PLCB1: variants seen among roughly 807,000 people sequenced by gnomAD.
PLCB1 encodes phospholipase C beta 1, also known as 1-phosphatidylinositol 4,5-bisphosphate phosphodiesterase beta-1.
In PLCB1, 46 loss-of-function variants were observed where a neutral mutation model predicts 161.8. The ratio of observed to expected loss-of-function variants is 0.28; its 90% CI spans 0.22 to 0.36. The LOEUF is 0.36. Ranked by LOEUF, PLCB1 falls within the 10% of genes least tolerant of loss-of-function variation. PLCB1 has a pLI of 1.00. For synonymous variants in PLCB1, 517 were observed against 503.7 expected (o/e 1.03, Z -0.35); for missense variants, 1,016 against 1,472.5 (o/e 0.69, Z 5.07).
At chr20:8,210,359 T>G (rs183068454) in intron 2 of PLCB1, among the ~76,000 whole-genome samples, 37 of 152,264 alleles carry the variant, frequency 2.4e-4, no homozygotes, top group African/African-American at 8.7e-4. Flanking sequence ...CTAAGTTATA[T>G]GCCAAAAAAC....
intron 3 of PLCB1, among the ~76,000 whole-genome samples, chr20:8,590,128 G>C (rs920043119): frequency 2.6e-5 from 4 of 152,152 alleles, no homozygotes; most frequent in Non-Finnish European, 4.4e-5. Context: ...GTAGAGAAAA[G>C]GAAGCCTGAA....
intron 3 of PLCB1, among the ~76,000 whole-genome samples, chr20:8,619,948 G>A (rs1600196964): frequency 6.6e-6 from 1 of 152,082 alleles, no homozygotes; most frequent in Non-Finnish European, 1.5e-5. Flanking sequence ...AAAGTATTCA[G>A]TATGTTCCCC....
intron 2 of PLCB1, among the ~76,000 whole-genome samples, chr20:8,192,044 G>T (rs2051975924): frequency 6.6e-6 from 1 of 151,940 alleles, no homozygotes; most frequent in African/African-American, 2.4e-5. Flanking sequence ...ACAATAAAAG[G>T]CTGATCAAAT....
intron 2 of PLCB1, among the ~76,000 whole-genome samples, chr20:8,316,386 A>G (rs1319885996): frequency 6.6e-6 from 1 of 152,112 alleles, no homozygotes; most frequent in East Asian, 1.9e-4. Flanking sequence ...CTTGCTGGGA[A>G]TTCACCTAGC....
intron 2 of PLCB1, among the ~76,000 whole-genome samples, chr20:8,259,778 T>C (rs954825110): frequency 2.0e-5 from 3 of 152,198 alleles, no homozygotes; most frequent in African/African-American, 7.2e-5. Context: ...TCAGAATTAG[T>C]ACATTGCATT....
Position 8,770,046 on chromosome 20 carries a change from G to A in PLCB1, c.2931-4493G>A, listed in dbSNP as rs185968066. 1.3e-3 allele frequency among the ~76,000 whole-genome samples: 200 copies of A among 151,986 alleles called. 1 individual carries two copies. The highest frequency in any genetic ancestry group is 4.6e-3 in the African/African-American group (191 of 41,454). On this transcript the variant is annotated intron_variant, in intron 26 of 31. Coordinates refer to ENST00000338037, the MANE Select transcript of PLCB1 (RefSeq NM_015192.4). ...CGGCTCACTGCAAGCTCCGCCTCCC[G>A]GGTTCATGCCATTCTCCTGCCTCAG...
chr20:8,786,555 C>G (rs1030380932), intron 27 of PLCB1, among the ~76,000 whole-genome samples: 1 of 152,206 alleles, frequency 6.6e-6, no homozygotes, highest in African/African-American at 2.4e-5. Context: ...CCCATCTCAG[C>G]CACTTACCAG....
intron 3 of PLCB1, among the ~76,000 whole-genome samples, chr20:8,598,546 TG>T (rs1167453425): frequency 4.6e-5 from 6 of 130,424 alleles, no homozygotes; most frequent in Non-Finnish European, 8.2e-5. Flanking sequence ...GGAATAGGTG[TG>T]GTGTGGTGCT....
intron 2 of PLCB1, among the ~76,000 whole-genome samples, chr20:8,327,339 T>C (rs1985197357): frequency 6.6e-6 from 1 of 152,212 alleles, no homozygotes. Flanking sequence ...CATGTCCTCA[T>C]TCCAGTTGTG....
At chr20:8,244,821 C>T (rs1284216588) in intron 2 of PLCB1, among the ~76,000 whole-genome samples, 1 of 151,686 alleles carries the variant, frequency 6.6e-6, no homozygotes, top group African/African-American at 2.4e-5. Context: ...AAGTCTAGTA[C>T]AAAAGGTTGG....
chr20:8,166,243 G>C (rs929446287), intron 2 of PLCB1, among the ~76,000 whole-genome samples: 1 of 152,012 alleles, frequency 6.6e-6, no homozygotes, highest in Admixed American at 6.6e-5. Context: ...CCTGGATTCT[G>C]TACCCACTAC....
At chr20:8,572,257 TACATG>T (rs1429190573) in intron 3 of PLCB1, among the ~76,000 whole-genome samples, 1 of 152,218 alleles carries the variant, frequency 6.6e-6, no homozygotes. Context: ...TACTTCTTGA[TACATG>T]AACACCCTAC....
At chr20:8,512,690 T>C (rs1016444789) in intron 3 of PLCB1, among the ~76,000 whole-genome samples, 1 of 152,078 alleles carries the variant, frequency 6.6e-6, no homozygotes, top group Non-Finnish European at 1.5e-5. Context: ...ATAATACAAA[T>C]TGTACCCCAA....
chr20:8,293,322 T>TA (rs1983467812), intron 2 of PLCB1, among the ~76,000 whole-genome samples: 1 of 152,110 alleles, frequency 6.6e-6, no homozygotes. Flanking sequence ...TTCTTTCAAG[T>TA]AAAAATGGTG....
intron 3 of PLCB1, among the ~76,000 whole-genome samples, chr20:8,457,545 C>G (rs1981370678): frequency 6.6e-6 from 1 of 152,104 alleles, no homozygotes; most frequent in South Asian, 2.1e-4. Flanking sequence ...TCAGAAAATC[C>G]AAGTTCAATC....
In PLCB1 at chr20:8,158,879, C is replaced by T. The variant is rs143897068; in HGVS notation, c.177+8508C>T. 3.8e-3 allele frequency among the ~76,000 whole-genome samples: 575 copies of T among 152,324 alleles called. 1 individual carries two copies. Among genetic ancestry groups the T allele is most frequent in the African/African-American group, 0.013 (540 of 41,576 alleles). ...GATGCAAGAGATGGGCTCCCATGGC[C>T]TTGGGCAACTCCGCCCCTGTGGCTT... On this transcript the variant is annotated intron_variant, in intron 2 of 31. Coordinates refer to ENST00000338037, the MANE Select transcript of PLCB1 (RefSeq NM_015192.4).
At chr20:8,252,366 G>T (rs1288696769) in intron 2 of PLCB1, among the ~76,000 whole-genome samples, 1 of 151,766 alleles carries the variant, frequency 6.6e-6, no homozygotes, top group Non-Finnish European at 1.5e-5. Context: ...ATGCCTAAAG[G>T]TCAGTGAATC....
intron 3 of PLCB1, among the ~76,000 whole-genome samples, chr20:8,571,998 T>G (rs866083372): frequency 6.6e-6 from 1 of 152,186 alleles, no homozygotes; most frequent in Non-Finnish European, 1.5e-5. Flanking sequence ...TGGTATTTTT[T>G]TAAAAATTAC....
intron 2 of PLCB1, among the ~76,000 whole-genome samples, chr20:8,271,755 TA>T (rs1289691726): frequency 1.3e-5 from 2 of 152,002 alleles, no homozygotes; most frequent in Non-Finnish European, 2.9e-5. Context: ...AAGACAGAAA[TA>T]AAATTAATAT....
Sources: gnomAD v4.1 joint callset for allele counts (sites outside exome capture counted in the v4.1 genomes callset) on GRCh38, gnomAD v4.1.1 for gene constraint, MANE v1.5 for transcripts, NCBI Gene and HGNC (gene_info 2026-07-23, HGNC 2026-07-21) for gene names.